The following SHB variants were observed in gnomAD, a reference collection of about 807,000 sequenced individuals.
The protein encoded by SHB is SH2 domain-containing adapter protein B.
SHB carries 20 observed loss-of-function variants against 52.3 expected under a neutral mutation model. That is an observed-to-expected ratio of 0.38 (90% confidence interval 0.27 to 0.56). The LOEUF is 0.56. Among genes scored for constraint, SHB ranks in the 20% least tolerant of loss-of-function variants. The pLI, the probability that SHB is intolerant of heterozygous loss-of-function variation, is 0.71. For synonymous variants in SHB, 397 were observed against 316.5 expected, an observed-to-expected ratio of 1.25 and a Z score of -2.70; for missense variants, 825 against 723.3, an observed-to-expected ratio of 1.14 and a Z score of -1.61.
chr9:38,015,353 G>C (rs917965327), intron 2 of SHB: 5 of 697,028 alleles, frequency 7.2e-6, no homozygotes, highest in Non-Finnish European at 1.3e-5. Context: ...GGCTAAAATA[G>C]GCCCCCAGGA....
intron 1 of SHB, among the ~76,000 whole-genome samples, chr9:38,038,826 G>A (rs536270150): frequency 6.6e-6 from 1 of 152,230 alleles, no homozygotes; most frequent in South Asian, 2.1e-4. Context: ...AGTGACAGTG[G>A]GCAGGGGCCA....
intron 1 of SHB, among the ~76,000 whole-genome samples, chr9:38,043,011 C>T (rs753991911): frequency 7.2e-5 from 11 of 152,188 alleles, no homozygotes; most frequent in Admixed American, 2.6e-4. Context: ...CCTTTCTCAC[C>T]AGACCCAACT....
chr9:37,935,403 G>A (rs1384714298), intron 5 of SHB, among the ~76,000 whole-genome samples: 1 of 152,232 alleles, frequency 6.6e-6, no homozygotes. Context: ...AGGAGGAAAT[G>A]ACGGGCACAC....
At chr9:37,996,355 C>T (rs1237892959) in intron 2 of SHB, among the ~76,000 whole-genome samples, 1 of 152,222 alleles carries the variant, frequency 6.6e-6, no homozygotes, top group Non-Finnish European at 1.5e-5. Flanking sequence ...GCCTGCTCAA[C>T]AGGGAGAAAT....
intron 5 of SHB, among the ~76,000 whole-genome samples, chr9:37,935,198 G>A (rs529415852): frequency 1.3e-5 from 2 of 152,272 alleles, no homozygotes; most frequent in South Asian, 4.2e-4. Context: ...TCTTACCATC[G>A]ATGTGTCAGA....
chr9:37,936,560 A>T (rs1368769354), intron 5 of SHB: 2 of 152,172 alleles, frequency 1.3e-5, no homozygotes. Context: ...AGACCAAAAG[A>T]CACATTCCCA....
intron 1 of SHB, among the ~76,000 whole-genome samples, chr9:38,027,773 C>T (rs538946358): frequency 1.3e-5 from 2 of 151,802 alleles, no homozygotes; most frequent in Admixed American, 6.6e-5. Flanking sequence ...TGTTCCCATT[C>T]CTATGTTCTA....
At chr9:38,060,148 C>T (rs1277713673) in intron 1 of SHB, among the ~76,000 whole-genome samples, 1 of 152,060 alleles carries the variant, frequency 6.6e-6, no homozygotes, top group African/African-American at 2.4e-5. Context: ...CTCATCTCTG[C>T]CACTTACTGG....
At chr9:37,944,538 G>C (rs1352005640) in intron 5 of SHB, among the ~76,000 whole-genome samples, 3 of 152,136 alleles carry the variant, frequency 2.0e-5, no homozygotes, top group African/African-American at 7.2e-5. Flanking sequence ...GACATGGCTG[G>C]GAGTCCCATG....
At chr9:37,990,909 T>C (rs895442088) in intron 2 of SHB, among the ~76,000 whole-genome samples, 1 of 152,208 alleles carries the variant, frequency 6.6e-6, no homozygotes, top group Non-Finnish European at 1.5e-5. Context: ...ACTGTGTTTG[T>C]AGATACGCAC....
In SHB at chr9:38,068,884, C is replaced by T. The variant is rs1822016851; in HGVS notation, c.-239G>A. 1 of 153,602 alleles carries T rather than the reference C, an allele frequency of 6.5e-6. No homozygotes were observed. Among genetic ancestry groups the T allele is most frequent in the South Asian group, 2.1e-4 (1 of 4,842 alleles). The allele number at this position is 153,602 out of a possible 1,614,324, so 9.5% of individuals were successfully genotyped here. On this transcript the variant is annotated 5_prime_UTR_variant, in exon 1 of 6. Transcript: ENST00000377707. ...CGCCGCCCAAGCTAGGAATCTCGCG[C>T]CCCTCGTGGGCGCGTCTCATGGGGT...
At chr9:37,922,767 G>A (rs560581274) in intron 5 of SHB, among the ~76,000 whole-genome samples, 2 of 152,308 alleles carry the variant, frequency 1.3e-5, no homozygotes, top group East Asian at 3.9e-4. Context: ...GCACCCCGTG[G>A]GTTCCCTGGC....
At chr9:37,925,951 T>A (rs1207567060) in intron 5 of SHB, among the ~76,000 whole-genome samples, 2 of 152,266 alleles carry the variant, frequency 1.3e-5, no homozygotes, top group Non-Finnish European at 2.9e-5. Context: ...GCTCACACTC[T>A]GATCCCTGGG....
chr9:37,987,644 C>A lies in SHB; in HGVS notation c.839-12807G>T, dbSNP rs192173017. Among the ~76,000 whole-genome samples, 68 of 152,348 alleles carry A rather than the reference C, an allele frequency of 4.5e-4. 2 individuals are homozygous for A. In the East Asian group the frequency reaches 0.012, roughly 28 times the overall value. ...CATCAGTCAGGGTCACTGGAGTAAT[C>A]TCAGGCTCCCTGCCCTCTAGCCCTG... On this transcript the variant is annotated intron_variant, in intron 2 of 5. Transcript: ENST00000377707.
intron 3 of SHB, among the ~76,000 whole-genome samples, 188 bp downstream of exon 3, chr9:37,974,434 G>C (rs569063699): frequency 6.6e-6 from 1 of 152,166 alleles, no homozygotes; most frequent in Admixed American, 6.5e-5. Flanking sequence ...ATTTCTCCTC[G>C]GCCTGGTTTC....
At chr9:37,959,235 G>A (rs1832668803) in intron 3 of SHB, among the ~76,000 whole-genome samples, 1 of 152,168 alleles carries the variant, frequency 6.6e-6, no homozygotes, top group South Asian at 2.1e-4. Context: ...TTTCTGGCTT[G>A]GGGGAGGGTG....
chr9:37,987,434 A>G (rs888238184), intron 2 of SHB, among the ~76,000 whole-genome samples: 1 of 152,194 alleles, frequency 6.6e-6, no homozygotes, highest in Non-Finnish European at 1.5e-5. Context: ...GCAGCTATCT[A>G]CAGTGCCTTT....
chr9:38,027,313 T>C (rs1179168561), intron 1 of SHB, among the ~76,000 whole-genome samples: 1 of 152,140 alleles, frequency 6.6e-6, no homozygotes, highest in African/African-American at 2.4e-5. Context: ...CCACTTTCAC[T>C]GGGAAAACAT....
At chr9:37,952,690 T>C (rs915749545) in intron 4 of SHB, among the ~76,000 whole-genome samples, 2 of 152,070 alleles carry the variant, frequency 1.3e-5, no homozygotes, top group Admixed American at 6.5e-5. Context: ...TGGCAGAATT[T>C]GGTAAAGCAA....
Sources: allele counts gnomAD v4.1 joint callset (sites outside exome capture counted in the v4.1 genomes callset), GRCh38; gene constraint gnomAD v4.1.1; transcripts MANE v1.5; gene names NCBI Gene and HGNC (gene_info 2026-07-23, HGNC 2026-07-21).